The following NR2E1 variants were observed in gnomAD, a reference collection of about 807,000 sequenced individuals.
The protein encoded by NR2E1 is nuclear receptor TLX.
NR2E1 carries 5 observed loss-of-function variants against 43.6 expected under a neutral mutation model. The observed-to-expected ratio is 0.11, with a 90% CI of 0.06 to 0.24. The LOEUF (loss-of-function observed/expected upper bound fraction) is 0.24. Among genes scored for constraint, NR2E1 ranks in the 10% least tolerant of loss-of-function variants. The probability of loss-of-function intolerance (pLI) is 1.00; values close to 1 mark genes in which losing one functional copy is unlikely to be tolerated. For missense variants in NR2E1, 287 were observed against 496.7 expected (o/e 0.58, Z 4.01); for synonymous variants, 191 against 195.5 (o/e 0.98, Z 0.19).
chr6:108,187,626 C>A lies in NR2E1; in HGVS notation c.*163C>A. 1 of 742,984 alleles carries A rather than the reference C, an allele frequency of 1.3e-6. No homozygotes were observed. The highest frequency in any genetic ancestry group is 2.3e-6 in the Non-Finnish European group (1 of 434,522). The allele number at this position is 742,984 out of a possible 1,614,324, so 46.0% of individuals were successfully genotyped here. A position where few individuals can be genotyped will look rare whatever the true frequency, so the allele number is the denominator to read the frequency against. On this transcript the variant is annotated 3_prime_UTR_variant, in exon 9 of 9. Transcript: ENST00000368986. Reference sequence around the variant, plus strand: ...ACACAAAGCATTCCAGTAGCTATGACCTGCCGCCCTGACCAGGATAGGGCG... The same window carrying A: ...ACACAAAGCATTCCAGTAGCTATGAACTGCCGCCCTGACCAGGATAGGGCG...
At chr6:108,176,379 T>G (rs1322358748) in intron 3 of NR2E1, 124 bp from the exon 4 acceptor site, 5 of 827,294 alleles carry the variant, frequency 6.0e-6, no homozygotes, top group Non-Finnish European at 9.8e-6. Flanking sequence ...CCTTCTTCTT[T>G]TCACCTCTTG....
At position 108,166,895 on chromosome 6, in the gene NR2E1, T is replaced by TGAGAGGGATTCA; in HGVS notation, c.25+116_25+117insAGAGAGGGATTC. Reference sequence around the variant, plus strand: ...CTGGAGCGCTGCGAATCTGAGCCCCTGAGAGGGATTCCAGCGGGCGTGTGC... The same window carrying TGAGAGGGATTCA: ...CTGGAGCGCTGCGAATCTGAGCCCCTGAGAGGGATTCAGAGAGGGATTCCAGCGGGCGTGTGC... On this transcript the variant is annotated intron_variant, in intron 1 of 8. Coordinates refer to ENST00000368986, the MANE Select transcript of NR2E1 (RefSeq NM_003269.5). The surrounding 1 kb of genome is among the most constrained non-coding windows in gnomAD (Gnocchi z 7.2). 1.6e-5 allele frequency: 19 copies of TGAGAGGGATTCA among 1,199,568 alleles called. No homozygotes were observed. Among genetic ancestry groups the TGAGAGGGATTCA allele is most frequent in the Non-Finnish European group, 2.3e-5 (19 of 838,978 alleles). The allele number at this position is 1,199,568 out of a possible 1,614,324, so 74.3% of individuals were successfully genotyped here.
rs1293236287 is a variant in NR2E1 at position 108,176,572 on chromosome 6, A to C, written c.329A>C (p.His110Pro). Residue 110 changes from histidine to proline, a missense_variant, in exon 4 of 9, where the codon CAC (histidine) becomes CCC (proline). By Grantham distance (77) the His-to-Pro change is moderately conservative. Transcript: ENST00000368986. ...RKQVALYFRG[H>P]KEENGAAAHF... Reference sequence around the variant, plus strand: ...CAAGTGGCCCTCTACTTCCGTGGACACAAGGAGGAGAACGGGGCCGCCGCG... The same window carrying C: ...CAAGTGGCCCTCTACTTCCGTGGACCCAAGGAGGAGAACGGGGCCGCCGCG... The C allele has an allele frequency of 6.2e-7, 1 of 1,613,020 alleles. No homozygotes were observed. Among genetic ancestry groups the C allele is most frequent in the Non-Finnish European group, 8.5e-7 (1 of 1,179,968 alleles).
At chr6:108,186,348 T>A (rs1774074856) in intron 8 of NR2E1, among the ~76,000 whole-genome samples, 1 of 152,042 alleles carries the variant, frequency 6.6e-6, no homozygotes, top group South Asian at 2.1e-4. Flanking sequence ...TAGACAAGCA[T>A]GAAAGTTGCT....
Position 108,169,872 on chromosome 6 carries a change from G to A in NR2E1, c.26-1586G>A, listed in dbSNP as rs962691883. 1.3e-5 allele frequency among the ~76,000 whole-genome samples: 2 copies of A among 152,026 alleles called. No homozygotes were observed. Among genetic ancestry groups the A allele is most frequent in the African/African-American group, 4.8e-5 (2 of 41,372 alleles). The stretch of plus-strand genomic sequence containing the variant: ...GAATTCCCATGCTACTCTTTTTGAC[G>A]GGTCACTGGTGGCTCTATAGGCAGG... On this transcript the variant is annotated intron_variant, in intron 1 of 8. Coordinates refer to ENST00000368986, the MANE Select transcript of NR2E1 (RefSeq NM_003269.5). The surrounding 1 kb of genome is among the most constrained non-coding windows in gnomAD (Gnocchi z 6.1).
chr6:108,187,496 A>G lies in NR2E1; in HGVS notation c.*33A>G, dbSNP rs1774093878. The G allele has an allele frequency of 6.2e-7, 1 of 1,610,040 alleles. No homozygotes were observed. The highest frequency in any genetic ancestry group is 1.3e-5 in the African/African-American group (1 of 74,992). On this transcript the variant is annotated 3_prime_UTR_variant, in exon 9 of 9. Coordinates refer to ENST00000368986, the MANE Select transcript of NR2E1 (RefSeq NM_003269.5). The stretch of plus-strand genomic sequence containing the variant: ...AGATACCCACTTTTCAGGATGGGAC[A>G]GTATCAGATGAACTTCAACCCATGG...
intron 1 of NR2E1, chr6:108,168,936 C>A (rs970269972): frequency 6.6e-6 from 1 of 152,266 alleles, no homozygotes; most frequent in Non-Finnish European, 1.5e-5. Context: ...TTACAGTAAT[C>A]GAAGCTGCCA....
At chr6:108,172,786 C>CA (rs1410969744) in intron 2 of NR2E1, among the ~76,000 whole-genome samples, 10 of 152,296 alleles carry the variant, frequency 6.6e-5, no homozygotes, top group South Asian at 2.1e-4. Flanking sequence ...GGATTAACCA[C>CA]AAAAACAGAA....
chr6:108,170,499 G>T (rs1554257928), intron 1 of NR2E1, among the ~76,000 whole-genome samples: 1 of 151,714 alleles, frequency 6.6e-6, no homozygotes, highest in Non-Finnish European at 1.5e-5. Context: ...CTCCAGGGTC[G>T]GTGGCCACCC....
At chr6:108,173,119 G>T (rs1773839460) in intron 2 of NR2E1, among the ~76,000 whole-genome samples, 1 of 152,204 alleles carries the variant, frequency 6.6e-6, no homozygotes, top group Non-Finnish European at 1.5e-5. Flanking sequence ...ACTGATAATA[G>T]ACTCATCAGG....
At chr6:108,177,230 G>C (rs574347485) in intron 4 of NR2E1, among the ~76,000 whole-genome samples, 10 of 152,206 alleles carry the variant, frequency 6.6e-5, no homozygotes, top group Non-Finnish European at 1.5e-4. Flanking sequence ...AGTTTCTAAC[G>C]CAAGTGCGAA....
chr6:108,170,134 G>T (rs887997136), intron 1 of NR2E1, among the ~76,000 whole-genome samples: 2 of 151,900 alleles, frequency 1.3e-5, no homozygotes, highest in Non-Finnish European at 2.9e-5. Flanking sequence ...TCGCCCAGAC[G>T]TTCCACTGCC....
In NR2E1 at chr6:108,178,085, C is replaced by T; in HGVS notation, c.496-10C>T. On this transcript the variant is annotated splice_polypyrimidine_tract_variant and intron_variant, in intron 4 of 8. Coordinates refer to ENST00000368986, the MANE Select transcript of NR2E1 (RefSeq NM_003269.5). ...TCACTTCCAGGTGTCTTTCTTTCTT[C>T]CCTACCCAGTACCCCCATGAAGTGA... 3 of 1,614,146 alleles carry T rather than the reference C, an allele frequency of 1.9e-6. No individual in the cohort carries two copies. The highest frequency in any genetic ancestry group is 2.5e-6 in the Non-Finnish European group (3 of 1,179,988).
chr6:108,174,360 C>T (rs961826123), intron 2 of NR2E1, among the ~76,000 whole-genome samples: 1 of 152,176 alleles, frequency 6.6e-6, no homozygotes, highest in Non-Finnish European at 1.5e-5. Context: ...CAGAAAGAAT[C>T]GTTGGTGGGA....
chr6:108,177,132 C>A (rs757185689), intron 4 of NR2E1, among the ~76,000 whole-genome samples: 27 of 152,180 alleles, frequency 1.8e-4, no homozygotes, highest in Non-Finnish European at 3.7e-4. Context: ...AACCAACGTT[C>A]ATTTTTAGAG....
intron 8 of NR2E1, among the ~76,000 whole-genome samples, chr6:108,185,409 T>TACACACACACACACAC (rs3040212): frequency 2.7e-5 from 4 of 146,794 alleles, no homozygotes; most frequent in African/African-American, 9.8e-5. Context: ...CACACACACA[T>TACACACACACACACAC]ACACACACAC....
Position 108,166,513 on chromosome 6 carries a change from T to A in NR2E1, c.-253T>A. Reference sequence around the variant, plus strand: ...CTGTCTGTCCATGTGTGTGTCCATATCAAGCAGCATTCCCAGCAGCTGCGG... The same window carrying A: ...CTGTCTGTCCATGTGTGTGTCCATAACAAGCAGCATTCCCAGCAGCTGCGG... On this transcript the variant is annotated 5_prime_UTR_variant, in exon 1 of 9. Coordinates refer to ENST00000368986, the MANE Select transcript of NR2E1 (RefSeq NM_003269.5). The surrounding 1 kb of genome is among the most constrained non-coding windows in gnomAD (Gnocchi z 7.2). The A allele has an allele frequency of 2.0e-6, 1 of 488,620 alleles. No individual in the cohort carries two copies. 30.3% of individuals were successfully genotyped at this position (488,620 alleles called of 1,614,324 possible). A position where few individuals can be genotyped will look rare whatever the true frequency, so the allele number is the denominator to read the frequency against.
chr6:108,186,596 C>T (rs567034357), intron 8 of NR2E1, among the ~76,000 whole-genome samples: 1 of 152,284 alleles, frequency 6.6e-6, no homozygotes, highest in South Asian at 2.1e-4. Flanking sequence ...AGTATCAGGG[C>T]TGCAGTGAGG....
intron 1 of NR2E1, among the ~76,000 whole-genome samples, chr6:108,168,376 T>G (rs558545660): frequency 2.0e-5 from 3 of 152,038 alleles, no homozygotes; most frequent in South Asian, 4.2e-4. Context: ...CTTTTCGGGG[T>G]GTGGAGCCCC....
Sources: allele counts gnomAD v4.1 joint callset (sites outside exome capture counted in the v4.1 genomes callset), GRCh38; gene constraint gnomAD v4.1.1; non-coding constraint Gnocchi (gnomAD v3.1); transcripts MANE v1.5; gene names NCBI Gene and HGNC (gene_info 2026-07-23, HGNC 2026-07-21).